DSCAM: variants seen among roughly 807,000 people sequenced by gnomAD.
DSCAM encodes the protein DS cell adhesion molecule, also known as cell adhesion molecule DSCAM.
In DSCAM, 47 loss-of-function variants were observed where a neutral mutation model predicts 217.7. That is an observed-to-expected ratio of 0.22 (90% CI 0.17 to 0.28). DSCAM has a LOEUF of 0.28. DSCAM is among the 10% of genes least tolerant of loss of function. The pLI is 1.00. For missense variants in DSCAM, 2,080 were observed against 2,618.3 expected, an observed-to-expected ratio of 0.79 and a Z score of 4.49; for synonymous variants, 1,056 against 1,015.3, an observed-to-expected ratio of 1.04 and a Z score of -0.76.
intron 11 of DSCAM, among the ~76,000 whole-genome samples, chr21:40,262,801 T>C (rs2073471515): frequency 6.6e-6 from 1 of 152,230 alleles, no homozygotes; most frequent in African/African-American, 2.4e-5. Flanking sequence ...GCTCAGAGGC[T>C]TGGCTGACTG....
intron 3 of DSCAM, among the ~76,000 whole-genome samples, chr21:40,396,577 G>C (rs557886415): frequency 7.2e-5 from 11 of 152,140 alleles, no homozygotes; most frequent in African/African-American, 2.7e-4. Flanking sequence ...AACTGGAAAT[G>C]GTTGTGGCCA....
At chr21:40,345,790 T>A (rs1272901791) in intron 6 of DSCAM, among the ~76,000 whole-genome samples, 3 of 152,212 alleles carry the variant, frequency 2.0e-5, no homozygotes, top group Non-Finnish European at 4.4e-5. Flanking sequence ...TTCTGCTTTC[T>A]TTGCTACATT....
chr21:40,426,579 ATTTAT>A (rs1190388557), intron 3 of DSCAM, among the ~76,000 whole-genome samples: 1 of 152,274 alleles, frequency 6.6e-6, no homozygotes, highest in Non-Finnish European at 1.5e-5. Flanking sequence ...ACATTTCACT[ATTTAT>A]TTTGTTTTTA....
At chr21:40,202,540 G>A (rs1271770098) in intron 11 of DSCAM, among the ~76,000 whole-genome samples, 2 of 152,158 alleles carry the variant, frequency 1.3e-5, no homozygotes, top group African/African-American at 4.8e-5. Context: ...CTCAATTTCT[G>A]TACCTATAAT....
chr21:40,339,278 C>G lies in DSCAM; in HGVS notation c.1348G>C (p.Gly450Arg). The stretch of plus-strand genomic sequence containing the variant: ...ATCTGGCTGATGCGGTGACTGCCAC[C>G]CTTGAGAATCGGGTCATCGTCCAGG... The part of the protein sequence containing the change: ...WTLDDDPILK[G>R]GSHRISQMIT... The change falls in exon 7 of 33, where the codon GGT (glycine) becomes CGT (arginine). Residue 450 changes from glycine to arginine, a missense_variant. By Grantham distance (125) the Gly-to-Arg change is moderately radical. Transcript: ENST00000400454. The G allele has an allele frequency of 6.2e-7, 1 of 1,614,138 alleles. No homozygotes were observed. The highest frequency in any genetic ancestry group is 1.3e-5 in the African/African-American group (1 of 75,016).
At chr21:40,056,885 C>T (rs1000427394) in intron 28 of DSCAM, among the ~76,000 whole-genome samples, 1 of 152,170 alleles carries the variant, frequency 6.6e-6, no homozygotes, top group Non-Finnish European at 1.5e-5. Flanking sequence ...AAATGCTTTC[C>T]CCTCTAACCG....
intron 3 of DSCAM, among the ~76,000 whole-genome samples, chr21:40,600,674 A>T (rs906719111): frequency 2.0e-5 from 3 of 152,312 alleles, no homozygotes; most frequent in Middle Eastern, 3.4e-3. Context: ...GTGGGTCTCT[A>T]ATCAATTTTG....
intron 8 of DSCAM, among the ~76,000 whole-genome samples, chr21:40,321,789 C>T (rs577389020): frequency 2.0e-5 from 3 of 152,228 alleles, no homozygotes; most frequent in South Asian, 2.1e-4. Context: ...TGCAGACCTT[C>T]GCTTACTGGG....
chr21:40,086,086 T>C (rs578172302), intron 22 of DSCAM, among the ~76,000 whole-genome samples: 13 of 152,288 alleles, frequency 8.5e-5, no homozygotes, highest in South Asian at 8.3e-4. Flanking sequence ...ACTGGAGATA[T>C]CCTCATTTTG....
intron 20 of DSCAM, among the ~76,000 whole-genome samples, chr21:40,094,887 T>C (rs1362546407): frequency 6.6e-6 from 1 of 152,186 alleles, no homozygotes; most frequent in Admixed American, 6.5e-5. Context: ...GTTCACAAAG[T>C]TTAACACCTA....
intron 3 of DSCAM, among the ~76,000 whole-genome samples, chr21:40,589,116 T>C (rs901175923): frequency 1.4e-5 from 2 of 141,404 alleles, no homozygotes; most frequent in African/African-American, 2.7e-5. Context: ...CACAACGAAA[T>C]TGCAATCAAC....
At chr21:40,150,592 C>A (rs1195462451) in intron 16 of DSCAM, among the ~76,000 whole-genome samples, 2 of 152,228 alleles carry the variant, frequency 1.3e-5, no homozygotes, top group African/African-American at 4.8e-5. Context: ...TAGAGGCTCA[C>A]TCTGAGTTAT....
chr21:40,026,688 T>C (rs1280419000), intron 32 of DSCAM, among the ~76,000 whole-genome samples: 5 of 148,738 alleles, frequency 3.4e-5, no homozygotes, highest in African/African-American at 1.2e-4. Context: ...GAGACTAGGA[T>C]TGCAACCCCT....
intron 11 of DSCAM, among the ~76,000 whole-genome samples, chr21:40,250,054 C>T (rs950289972): frequency 3.9e-5 from 6 of 152,204 alleles, no homozygotes; most frequent in African/African-American, 1.2e-4. Context: ...ACTGTTTTTG[C>T]AGGTTCTACT....
chr21:40,672,285 T>C (rs546195807), intron 3 of DSCAM, among the ~76,000 whole-genome samples: 85 of 152,240 alleles, frequency 5.6e-4, no homozygotes, highest in Non-Finnish European at 9.6e-4. Flanking sequence ...TAGTTTAGCT[T>C]AAGTAAATTT....
chr21:40,402,452 A>G (rs1808318201), intron 3 of DSCAM, among the ~76,000 whole-genome samples: 2 of 152,132 alleles, frequency 1.3e-5, no homozygotes, highest in Non-Finnish European at 1.5e-5. Flanking sequence ...GATCATTAGA[A>G]CAAGTATCTG....
intron 1 of DSCAM, among the ~76,000 whole-genome samples, chr21:40,734,396 G>GTGCCATGCTTGGA (rs1455155659): frequency 1.3e-5 from 2 of 152,162 alleles, no homozygotes; most frequent in Non-Finnish European, 2.9e-5. Flanking sequence ...CAGCACATGG[G>GTGCCATGCTTGGA]TGCCATGCTT....
At position 40,098,447 on chromosome 21, in the gene DSCAM, C is replaced by G. The variant is rs193095402; in HGVS notation, c.3697-4573G>C. ...TGAGGTTCAGAGAAAGTAAGTGATT[C>G]ACTGATGTCACAAGACCAGACAACT... On this transcript the variant is annotated intron_variant, in intron 20 of 32. Transcript: ENST00000400454. 1.1e-3 allele frequency among the ~76,000 whole-genome samples: 169 copies of G among 152,312 alleles called. 1 individual carries two copies. Among genetic ancestry groups the G allele is most frequent in the Non-Finnish European group, 1.7e-3 (114 of 68,022 alleles).
At chr21:40,429,614 T>TC (rs2075511116) in intron 3 of DSCAM, among the ~76,000 whole-genome samples, 1 of 152,194 alleles carries the variant, frequency 6.6e-6, no homozygotes, top group Admixed American at 6.5e-5. Context: ...TAGCCTGGGC[T>TC]CCCAGCTCAG....
Sources: allele counts gnomAD v4.1 joint callset (sites outside exome capture counted in the v4.1 genomes callset), GRCh38; gene constraint gnomAD v4.1.1; transcripts MANE v1.5; gene names NCBI Gene and HGNC (gene_info 2026-07-23, HGNC 2026-07-21).